ANKRD26: variants seen among roughly 807,000 people sequenced by gnomAD.
The protein encoded by ANKRD26 is ankyrin repeat domain 26.
A neutral mutation model predicts 208.7 loss-of-function variants in ANKRD26; 141 were observed. That is an observed-to-expected ratio of 0.68 (90% confidence interval 0.59 to 0.78). The LOEUF (loss-of-function observed/expected upper bound fraction) is 0.78, where lower values mean the gene tolerates loss of function less well. Among genes scored for constraint, ANKRD26 ranks in the 30% least tolerant of loss-of-function variants. ANKRD26 has a pLI of 0.00. For missense variants in ANKRD26, 1,889 were observed against 1,938.7 expected, an observed-to-expected ratio of 0.97 and a Z score of 0.48; for synonymous variants, 636 against 660.4, an observed-to-expected ratio of 0.96 and a Z score of 0.57.
intron 17 of ANKRD26, 113 bp from the exon 18 acceptor site, chr10:27,046,636 T>C (rs1007104232): frequency 1.0e-6 from 1 of 990,552 alleles, no homozygotes; most frequent in Non-Finnish European, 1.5e-6. Context: ...AAAAAGCCAA[T>C]GTTTTCTAGT....
chr10:27,022,384 T>C (rs1464144406), intron 29 of ANKRD26, among the ~76,000 whole-genome samples, 174 bp downstream of exon 29: 1 of 152,046 alleles, frequency 6.6e-6, no homozygotes, highest in Non-Finnish European at 1.5e-5. Flanking sequence ...TTTAACTACA[T>C]AACAAACCTG....
chr10:27,063,253 T>C (rs868202532), intron 12 of ANKRD26, among the ~76,000 whole-genome samples: 6 of 152,264 alleles, frequency 3.9e-5, no homozygotes, highest in Middle Eastern at 6.8e-3. Flanking sequence ...TGGAAGCTCA[T>C]TTTAAACTCT....
intron 21 of ANKRD26, among the ~76,000 whole-genome samples, chr10:27,038,810 A>G (rs1478643237): frequency 6.6e-6 from 1 of 152,164 alleles, no homozygotes; most frequent in Admixed American, 6.5e-5. Context: ...CCTAAAAATT[A>G]TTACAGTGTA....
At chr10:27,086,238 AAC>A (rs1470435527) in intron 5 of ANKRD26, among the ~76,000 whole-genome samples, 1 of 151,218 alleles carries the variant, frequency 6.6e-6, no homozygotes, top group Non-Finnish European at 1.5e-5. Flanking sequence ...TTATAAAGGA[AAC>A]ACATAACATA....
Position 27,079,085 on chromosome 10 carries a change from T to C in ANKRD26, c.813+4A>G. On this transcript the variant is annotated splice_donor_region_variant and intron_variant, in intron 7 of 33. Coordinates refer to ENST00000376087, the MANE Select transcript of ANKRD26 (RefSeq NM_014915.3). ...AAAATTAAGTTCATGAGAGAGCACT[T>C]TACCTTAGTATCAAAATTGAGGTCT... 3 of 1,609,992 alleles carry C rather than the reference T, an allele frequency of 1.9e-6. No individual in the cohort carries two copies.
intron 16 of ANKRD26, among the ~76,000 whole-genome samples, chr10:27,052,413 T>C (rs1486151990): frequency 6.6e-6 from 1 of 152,126 alleles, no homozygotes; most frequent in Non-Finnish European, 1.5e-5. Flanking sequence ...ATCCTCATTT[T>C]AAAAGATTTT....
intron 4 of ANKRD26, among the ~76,000 whole-genome samples, chr10:26,995,925 G>C (rs1179524674): frequency 1.3e-5 from 2 of 152,136 alleles, no homozygotes; most frequent in African/African-American, 4.8e-5. Context: ...AAATAAGTGG[G>C]ACTTTCTGTG....
At chr10:26,980,326 C>T (rs2052288699) in intron 5 of ANKRD26, among the ~76,000 whole-genome samples, 1 of 152,154 alleles carries the variant, frequency 6.6e-6, no homozygotes, top group Non-Finnish European at 1.5e-5. Flanking sequence ...TCCTATTGGA[C>T]CTTTGGAAAT....
At chr10:26,975,081 T>C (rs779518332) in exon 6 of ANKRD26, among the ~76,000 whole-genome samples, 15 of 152,220 alleles carry the variant, frequency 9.9e-5, no homozygotes, top group Non-Finnish European at 2.9e-5. Context: ...TCTTGAGTTA[T>C]GCCTCCTCAG....
chr10:27,028,937 T>G lies in ANKRD26; in HGVS notation c.3887A>C (p.Lys1296Thr). Reference sequence around the variant, plus strand: ...TGTAACTTTTAACTTGGCATTATCTTTTTCAAGCCTGAAATGTATATTTTA... The same window carrying G: ...TGTAACTTTTAACTTGGCATTATCTGTTTCAAGCCTGAAATGTATATTTTA... Reference protein sequence around the residue: ...KMQDHKQKLEKDNAKLKVTVK... With the variant: ...KMQDHKQKLETDNAKLKVTVK... The change falls in exon 27 of 34, where the codon AAA becomes ACA. Residue 1296 changes from lysine to threonine, a missense_variant. Lys to Thr is a moderately conservative substitution (Grantham distance 78). Transcript: ENST00000376087. The G allele has an allele frequency of 6.2e-7, 1 of 1,608,432 alleles. No individual in the cohort carries two copies. Among genetic ancestry groups the G allele is most frequent in the Non-Finnish European group, 8.5e-7 (1 of 1,175,816 alleles).
At chr10:27,029,579 A>C (rs1188130949) in intron 25 of ANKRD26, among the ~76,000 whole-genome samples, 1 of 152,230 alleles carries the variant, frequency 6.6e-6, no homozygotes, top group Non-Finnish European at 1.5e-5. Context: ...CTTTACAGAA[A>C]AGTTTATCAA....
chr10:27,063,186 G>A (rs2055124722), intron 12 of ANKRD26, among the ~76,000 whole-genome samples: 1 of 152,192 alleles, frequency 6.6e-6, no homozygotes. Context: ...TCCCAACAGT[G>A]AGGTGGATGG....
chr10:27,054,738 C>A (rs11015484), intron 15 of ANKRD26, among the ~76,000 whole-genome samples: 14,477 of 152,082 alleles, frequency 0.095, 2,224 homozygotes, highest in African/African-American at 0.33. Context: ...CCTCAAATAG[C>A]GTTATATATT....
intron 3 of ANKRD26, among the ~76,000 whole-genome samples, chr10:26,986,659 G>T (rs2052393290): frequency 6.6e-6 from 1 of 152,076 alleles, no homozygotes; most frequent in Admixed American, 6.6e-5. Context: ...CATTTATGCA[G>T]CCAAAAGACA....
intron 9 of ANKRD26, among the ~76,000 whole-genome samples, chr10:27,072,978 C>G (rs1178598353): frequency 6.6e-6 from 1 of 152,202 alleles, no homozygotes; most frequent in African/African-American, 2.4e-5. Context: ...CAGACATTCC[C>G]CAGCACCACC....
intron 16 of ANKRD26, chr10:27,052,014 C>G: frequency 1.0e-6 from 1 of 985,368 alleles, no homozygotes; most frequent in Non-Finnish European, 1.2e-6. Context: ...TACATCCTCT[C>G]TATCACACTC....
At position 27,086,761 on chromosome 10, in the gene ANKRD26, CTTTTTTGTTTTTTTT is replaced by C. The variant is rs2056130525; in HGVS notation, c.639-167_639-153del. 3 of 377,734 alleles carry C rather than the reference CTTTTTTGTTTTTTTT, an allele frequency of 7.9e-6. No homozygotes were observed. In the African/African-American group the frequency reaches 8.6e-5, roughly 11 times the overall value. The allele number at this position is 377,734 out of a possible 1,614,324, so 23.4% of individuals were successfully genotyped here. On this transcript the variant is annotated intron_variant, in intron 4 of 33. Coordinates refer to ENST00000376087, the MANE Select transcript of ANKRD26 (RefSeq NM_014915.3). ...ACTTCAAATATGTAAGCTCTACAAA[CTTTTTTGTTTTTTTT>C]TTTTTTTTTTTTTGAGACAGAGTCT...
rs41279940 is a variant in ANKRD26 at position 27,037,128 on chromosome 10, T to C, written c.2697+58A>G. On this transcript the variant is annotated intron_variant, in intron 23 of 33. Transcript: ENST00000376087. ...ATATATAGTTGGTTTTTAAAATATA[T>C]ACACATATAAATACATATACACACA... 0.034 allele frequency: 52,890 copies of C among 1,554,788 alleles called. 1,713 individuals carry two copies. Among genetic ancestry groups the C allele is most frequent in the Admixed American group, 0.17 (9,922 of 57,238 alleles).
intron 32 of ANKRD26, among the ~76,000 whole-genome samples, chr10:27,010,354 C>T (rs964637426): frequency 2.6e-5 from 4 of 152,182 alleles, no homozygotes; most frequent in African/African-American, 9.7e-5. Context: ...AAAAACATTT[C>T]CTCAAAAATC....
Sources: gnomAD v4.1 joint callset for allele counts (sites outside exome capture counted in the v4.1 genomes callset) on GRCh38, gnomAD v4.1.1 for gene constraint, MANE v1.5 for transcripts, NCBI Gene and HGNC (gene_info 2026-07-23, HGNC 2026-07-21) for gene names.